The following GLIS3 variants were observed in gnomAD, a reference collection of about 807,000 sequenced individuals.
GLIS3 encodes zinc finger protein GLIS3.
In GLIS3, 53 loss-of-function variants were observed where a neutral mutation model predicts 78.6. That is an observed-to-expected ratio of 0.67 (90% CI 0.54 to 0.85). GLIS3 has a LOEUF of 0.85. Ranked by LOEUF, GLIS3 falls within the 40% of genes least tolerant of loss-of-function variation. The pLI is 0.00. For synonymous variants in GLIS3, 684 were observed against 509.9 expected (o/e 1.34, Z -4.60); for missense variants, 1,703 against 1,231.1 (o/e 1.38, Z -5.74).
the GLIS3 span, among the ~76,000 whole-genome samples, chr9:4,449,467 T>C: frequency 1.3e-5 from 2 of 152,204 alleles, no homozygotes; most frequent in Non-Finnish European, 2.9e-5. Context: ...AAGAGAGCAG[T>C]GGTTCTACCA....
At chr9:4,349,102 T>C (rs1161407289), upstream of GLIS3, among the ~76,000 whole-genome samples, 2 of 152,216 alleles carry the variant, frequency 1.3e-5, no homozygotes, top group Non-Finnish European at 2.9e-5. Context: ...CTACTCCTTA[T>C]CTAAGCTTAC....
chr9:3,985,903 A>G (rs1436412696), intron 4 of GLIS3, among the ~76,000 whole-genome samples: 3 of 152,244 alleles, frequency 2.0e-5, no homozygotes, highest in Non-Finnish European at 4.4e-5. Flanking sequence ...TTAAAACTGT[A>G]TAATATTGCT....
intron 2 of GLIS3, among the ~76,000 whole-genome samples, chr9:4,216,426 G>A (rs959025318): frequency 1.3e-5 from 2 of 148,168 alleles, no homozygotes; most frequent in East Asian, 2.0e-4. Context: ...CTTGCAGTAA[G>A]CTGAGATTGC....
chr9:4,007,431 A>T (rs2129984656), intron 4 of GLIS3, among the ~76,000 whole-genome samples: 1 of 152,040 alleles, frequency 6.6e-6, no homozygotes, highest in East Asian at 1.9e-4. Flanking sequence ...TACCAGATAC[A>T]TCCCTCTTTC....
intron 4 of GLIS3, among the ~76,000 whole-genome samples, chr9:4,000,371 G>C (rs1334202422): frequency 6.6e-6 from 1 of 152,110 alleles, no homozygotes; most frequent in African/African-American, 2.4e-5. Context: ...GAAAATTAAA[G>C]TAGTAATGTC....
intron 2 of GLIS3, among the ~76,000 whole-genome samples, chr9:4,249,422 C>G (rs1163211832): frequency 1.3e-5 from 2 of 152,056 alleles, no homozygotes; most frequent in Non-Finnish European, 2.9e-5. Flanking sequence ...GGCTGTTTGT[C>G]TATTATTGGT....
chr9:4,194,396 TA>T (rs1391554737), intron 2 of GLIS3, among the ~76,000 whole-genome samples: 1 of 152,108 alleles, frequency 6.6e-6, no homozygotes, highest in East Asian at 1.9e-4. Context: ...AGGTAAAAAA[TA>T]AAAAAATTAG....
In GLIS3 at chr9:4,065,305, C is replaced by A. The variant is rs891503026; in HGVS notation, c.1710+52463G>T. Among the ~76,000 whole-genome samples, 3 of 152,118 alleles carry A rather than the reference C, an allele frequency of 2.0e-5. No individual in the cohort carries two copies. The South Asian group carries it at 6.2e-4, about 32-fold the overall frequency. The stretch of plus-strand genomic sequence containing the variant: ...GCAGAAAAAGGAGCATTAGAGAAAC[C>A]GAACAAAGGATGATTCAAGAGCAAC... On this transcript the variant is annotated intron_variant, in intron 4 of 10. Transcript: ENST00000381971.
the GLIS3 span, among the ~76,000 whole-genome samples, chr9:4,420,103 G>C: frequency 6.6e-6 from 1 of 152,188 alleles, no homozygotes; most frequent in Non-Finnish European, 1.5e-5. Context: ...CTCCTGGAGA[G>C]GGGTCCAGGC....
At chr9:3,997,893 G>GA (rs928188659) in intron 4 of GLIS3, among the ~76,000 whole-genome samples, 7 of 150,530 alleles carry the variant, frequency 4.7e-5, no homozygotes, top group South Asian at 2.1e-4. Context: ...ATCAGGATTA[G>GA]AAAAAAAAGC....
chr9:4,265,835 G>A (rs1168601487), intron 2 of GLIS3, among the ~76,000 whole-genome samples: 2 of 151,836 alleles, frequency 1.3e-5, no homozygotes, highest in African/African-American at 4.8e-5. Context: ...TACCAAGGGT[G>A]ACAACTTCAC....
At chr9:4,164,701 C>A (rs558807174) in intron 2 of GLIS3, among the ~76,000 whole-genome samples, 12 of 152,210 alleles carry the variant, frequency 7.9e-5, no homozygotes, top group African/African-American at 2.9e-4. Context: ...AAGAACATCC[C>A]ATGAGCATGC....
the GLIS3 span, among the ~76,000 whole-genome samples, chr9:4,473,035 A>T: frequency 7.2e-5 from 11 of 152,324 alleles, no homozygotes; most frequent in South Asian, 1.5e-3. Context: ...GAATCACCAC[A>T]CTGCTTTCCA....
At position 3,891,081 on chromosome 9, in the gene GLIS3, AGAAG is replaced by A. The variant is rs1400056231; in HGVS notation, c.2128+7606_2128+7609del. Among the ~76,000 whole-genome samples the A allele has an allele frequency of 1.4e-3, 191 of 140,468 alleles. 3 individuals are homozygous for A. The highest frequency in any genetic ancestry group is 3.5e-3 in the Middle Eastern group (1 of 286). The allele number at this position is 140,468 out of a possible 152,430, so 92.2% of individuals were successfully genotyped here. ...CTTCCTTCCTCAAAAAAAAAAAAAA[AGAAG>A]AAGAAGAAAGTAGGAGGAAGAGGAG... On this transcript the variant is annotated intron_variant, in intron 7 of 10. Transcript: ENST00000381971.
At chr9:3,946,312 G>C (rs574199572) in intron 4 of GLIS3, among the ~76,000 whole-genome samples, 4 of 152,354 alleles carry the variant, frequency 2.6e-5, no homozygotes, top group African/African-American at 9.6e-5. Context: ...GCAAGTGATT[G>C]TAGATTATTT....
At chr9:4,274,132 G>A (rs550905375) in intron 2 of GLIS3, among the ~76,000 whole-genome samples, 1 of 152,292 alleles carries the variant, frequency 6.6e-6, no homozygotes, top group Admixed American at 6.5e-5. Context: ...GGCTTGAAAA[G>A]GTCACCATAG....
intron 2 of GLIS3, among the ~76,000 whole-genome samples, chr9:4,151,207 T>C (rs534329846): frequency 1.3e-5 from 2 of 152,306 alleles, no homozygotes; most frequent in African/African-American, 2.4e-5. Context: ...CTCTTCCAAG[T>C]GTCTTTGAGC....
intron 4 of GLIS3, among the ~76,000 whole-genome samples, chr9:4,087,989 C>T (rs1829185890): frequency 6.6e-6 from 1 of 152,196 alleles, no homozygotes; most frequent in Admixed American, 6.5e-5. Context: ...AGACAGACTC[C>T]ACATGTCATT....
chr9:4,285,821 C>A, intron 2 of GLIS3: 2 of 607,318 alleles, frequency 3.3e-6, no homozygotes, highest in Non-Finnish European at 5.9e-6. Context: ...TTTCACAGTC[C>A]CAGGAGATGT....
Sources: gnomAD v4.1 joint callset for allele counts (sites outside exome capture counted in the v4.1 genomes callset) on GRCh38, gnomAD v4.1.1 for gene constraint, MANE v1.5 for transcripts, NCBI Gene and HGNC (gene_info 2026-07-23, HGNC 2026-07-21) for gene names.